Variants in YES1 observed in about 807,000 individuals in gnomAD.
YES1 encodes tyrosine-protein kinase Yes.
Under a neutral mutation model 70.4 loss-of-function variants are expected in YES1, and 39 were observed. The observed-to-expected ratio is 0.55, with a 90% CI of 0.43 to 0.72. The LOEUF is 0.72. YES1 is among the 30% of genes least tolerant of loss of function. The probability of loss-of-function intolerance (pLI) is 0.00; values close to 1 mark genes in which losing one functional copy is unlikely to be tolerated. For missense variants in YES1, 495 were observed against 644.8 expected (o/e 0.77, Z 2.52); for synonymous variants, 198 against 218.6 (o/e 0.91, Z 0.83).
chr18:793,230 A>G (rs1008013068), intron 1 of YES1, among the ~76,000 whole-genome samples: 1 of 151,958 alleles, frequency 6.6e-6, no homozygotes, highest in Non-Finnish European at 1.5e-5. Context: ...TAGTAGAGAC[A>G]GGGTTTCACC....
intron 1 of YES1, among the ~76,000 whole-genome samples, chr18:774,004 G>C (rs1051743514): frequency 3.5e-4 from 53 of 152,108 alleles, no homozygotes; most frequent in Admixed American, 3.3e-3. Context: ...GCTAATTTTT[G>C]TATTTTTCAG....
chr18:802,993 C>T (rs890569280), intron 1 of YES1, among the ~76,000 whole-genome samples: 2 of 151,414 alleles, frequency 1.3e-5, no homozygotes, highest in African/African-American at 2.4e-5. Flanking sequence ...TTTGGGAGGC[C>T]GAGGCGGGAG....
intron 1 of YES1, among the ~76,000 whole-genome samples, chr18:765,524 C>T (rs993902304): frequency 1.3e-5 from 2 of 151,258 alleles, no homozygotes; most frequent in African/African-American, 2.4e-5. Flanking sequence ...TCACCCTCCC[C>T]AGTAGCTGGG....
At chr18:755,185 T>A (rs2080389503) in intron 2 of YES1, among the ~76,000 whole-genome samples, 1 of 152,074 alleles carries the variant, frequency 6.6e-6, no homozygotes, top group Non-Finnish European at 1.5e-5. Context: ...TGTAATTGAC[T>A]TAACATGCAT....
At position 732,916 on chromosome 18, in the gene YES1, A is replaced by G; in HGVS notation, c.1341T>C (p.Gly447=). 1 of 1,614,150 alleles carries G rather than the reference A, an allele frequency of 6.2e-7. No homozygotes were observed. The highest frequency in any genetic ancestry group is 8.5e-7 in the Non-Finnish European group (1 of 1,180,022). The change falls in exon 11 of 12, where the codon GGT becomes GGC. Residue 447 remains glycine (G), a synonymous_variant. Coordinates refer to ENST00000314574, the MANE Select transcript of YES1 (RefSeq NM_005433.4). ...AGACATCAGACTTTATTGTAAACCG[A>G]CCATACAGTGCAGCTTCAGGAGCTG... ...KWTAPEAALY[G]RFTIKSDVWS...
At chr18:787,823 T>C (rs972851666) in intron 1 of YES1, 2 of 152,218 alleles carry the variant, frequency 1.3e-5, no homozygotes, top group African/African-American at 4.8e-5. Context: ...ACTTTTTTAA[T>C]TGAAGAGAGT....
At chr18:806,387 C>A (rs1907098217) in intron 1 of YES1, among the ~76,000 whole-genome samples, 5 of 152,274 alleles carry the variant, frequency 3.3e-5, no homozygotes, top group Admixed American at 2.0e-4. Flanking sequence ...TGTAAAATCA[C>A]CTTCTAGAAC....
In YES1 at chr18:722,134, C is replaced by T. The variant is rs1222708596; in HGVS notation, c.*2290G>A. Reference sequence around the variant, plus strand: ...TTCCTGATTAGATTTAGTACATAAACGTAATTTTGTCACCCTTTTGAATAT... The same window carrying T: ...TTCCTGATTAGATTTAGTACATAAATGTAATTTTGTCACCCTTTTGAATAT... On this transcript the variant is annotated 3_prime_UTR_variant, in exon 12 of 12. Transcript: ENST00000314574. 6.6e-6 allele frequency: 1 copy of T among 152,560 alleles called. No individual in the cohort carries two copies. Among genetic ancestry groups the T allele is most frequent in the South Asian group, 2.1e-4 (1 of 4,828 alleles). The allele number at this position is 152,560 out of a possible 1,614,324, so 9.5% of individuals were successfully genotyped here. A position where few individuals can be genotyped will look rare whatever the true frequency, so the allele number is the denominator to read the frequency against.
intron 1 of YES1, among the ~76,000 whole-genome samples, chr18:797,822 T>C (rs1906618376): frequency 6.6e-6 from 1 of 152,210 alleles, no homozygotes. Flanking sequence ...TCTCTCTTAC[T>C]GGTAGGGCCC....
intron 1 of YES1, among the ~76,000 whole-genome samples, chr18:793,127 C>T (rs889504028): frequency 6.6e-6 from 1 of 151,338 alleles, no homozygotes; most frequent in African/African-American, 2.4e-5. Flanking sequence ...GCAACCTCCA[C>T]CTCCCGGGTT....
intron 1 of YES1, chr18:788,062 T>C (rs1202243794): frequency 6.6e-6 from 1 of 152,204 alleles, no homozygotes; most frequent in Non-Finnish European, 1.5e-5. Flanking sequence ...TCCTCATATT[T>C]ATATTCTGAC....
rs1228298353 is a variant in YES1, at chr18:723,156, A to AG, written c.*1267_*1268insC. The AG allele has an allele frequency of 1.3e-5, 2 of 152,240 alleles. No individual in the cohort carries two copies. The highest frequency in any genetic ancestry group is 2.9e-5 in the Non-Finnish European group (2 of 68,036). 9.4% of individuals were successfully genotyped at this position (152,240 alleles called of 1,614,324 possible). The stretch of plus-strand genomic sequence containing the variant: ...TGATTTGAAAACTGGAGTTCTAAAA[A>AG]TGTTTTACATAAAAACCATATCCCA... On this transcript the variant is annotated 3_prime_UTR_variant, in exon 12 of 12. Coordinates refer to ENST00000314574, the MANE Select transcript of YES1 (RefSeq NM_005433.4).
intron 1 of YES1, among the ~76,000 whole-genome samples, chr18:794,765 T>C (rs1411993501): frequency 2.6e-5 from 4 of 152,200 alleles, no homozygotes; most frequent in Non-Finnish European, 5.9e-5. Flanking sequence ...GCCTCTGTTG[T>C]CACAAGGCAT....
chr18:729,372 G>A (rs2080059827), intron 11 of YES1, among the ~76,000 whole-genome samples: 1 of 151,846 alleles, frequency 6.6e-6, no homozygotes, highest in African/African-American at 2.4e-5. Flanking sequence ...CCAAGATCGT[G>A]CCACTGTACT....
At chr18:748,819 CT>C (rs1378205930) in intron 3 of YES1, among the ~76,000 whole-genome samples, 1 of 151,946 alleles carries the variant, frequency 6.6e-6, no homozygotes, top group Non-Finnish European at 1.5e-5. Context: ...TCACAATGCT[CT>C]AACATTCCTG....
In YES1 at chr18:736,976, A is replaced by C; in HGVS notation, c.1138-15T>G. 6.3e-7 allele frequency: 1 copy of C among 1,594,724 alleles called. No individual in the cohort carries two copies. The highest frequency in any genetic ancestry group is 1.7e-5 in the Admixed American group (1 of 58,116). ...CCATCAGCAATCTTGGAAAGAGAAA[A>C]ACAAAAAACACAAGACATACGATAC... On this transcript the variant is annotated splice_polypyrimidine_tract_variant and intron_variant, in intron 9 of 11. Transcript: ENST00000314574.
In YES1 at chr18:743,047, T is replaced by C. The variant is rs1043585918; in HGVS notation, c.931A>G (p.Thr311Ala). 6.2e-7 allele frequency: 1 copy of C among 1,610,216 alleles called. No homozygotes were observed. Among genetic ancestry groups the C allele is most frequent in the South Asian group, 1.1e-5 (1 of 89,670 alleles). The change falls in exon 8 of 12, where the codon ACA becomes GCA. Residue 311 changes from threonine (T) to alanine (A), a missense_variant. Physicochemically the swap from Thr to Ala is moderately conservative, Grantham distance 58 (BLOSUM62 0). This residue lies in a region of YES1 where 385 missense variants were observed against 540.9 expected (regional missense o/e 0.71). Coordinates refer to ENST00000314574, the MANE Select transcript of YES1 (RefSeq NM_005433.4). ...KVAIKTLKPG[T>A]MMPEAFLQEA... ...TGAAGGAAAGCTTCTGGCATCATTG[T>C]ACCTGGTTTTAGTGTTTTGATTGCT...
At chr18:783,997 A>G (rs1363654496) in intron 1 of YES1, among the ~76,000 whole-genome samples, 1 of 152,182 alleles carries the variant, frequency 6.6e-6, no homozygotes, top group Admixed American at 6.5e-5. Flanking sequence ...AGAAAAATCC[A>G]TTTCCTTACA....
intron 1 of YES1, among the ~76,000 whole-genome samples, chr18:761,777 C>T (rs1362395004): frequency 2.6e-5 from 4 of 152,202 alleles, no homozygotes; most frequent in African/African-American, 7.2e-5. Context: ...GCATAGGACC[C>T]ATCATTGCTG....
Sources: gnomAD v4.1 joint callset for allele counts (sites outside exome capture counted in the v4.1 genomes callset) on GRCh38, gnomAD v4.1.1 for gene constraint, gnomAD v4.1.1 regional missense constraint, MANE v1.5 for transcripts, NCBI Gene and HGNC (gene_info 2026-07-23, HGNC 2026-07-21) for gene names.